ELP4: variants seen among roughly 807,000 people sequenced by gnomAD.
ELP4 encodes elongator acetyltransferase complex subunit 4.
Under a neutral mutation model 48.9 loss-of-function variants are expected in ELP4, and 51 were observed. The observed-to-expected ratio is 1.04, with a 90% confidence interval of 0.83 to 1.32. The LOEUF is 1.32. Ranked by LOEUF, ELP4 falls within the 40% of genes most tolerant of loss-of-function variation. ELP4 has a pLI of 0.00. For synonymous variants in ELP4, 210 were observed against 189.2 expected (o/e 1.11, Z -0.90); for missense variants, 519 against 514.6 (o/e 1.01, Z -0.08).
chr11:31,524,324 T>A (rs1354145238), intron 2 of ELP4, among the ~76,000 whole-genome samples: 1 of 152,214 alleles, frequency 6.6e-6, no homozygotes, highest in Non-Finnish European at 1.5e-5. Flanking sequence ...ACTATCTGCT[T>A]TCAAGCTCGT....
At chr11:31,543,413 G>A (rs536311494) in intron 3 of ELP4, among the ~76,000 whole-genome samples, 230 of 152,112 alleles carry the variant, frequency 1.5e-3, no homozygotes, top group African/African-American at 4.8e-3. Context: ...TCCGCCTCCC[G>A]GGTTCATGCC....
intron 9 of ELP4, among the ~76,000 whole-genome samples, chr11:31,756,137 C>T (rs1947828078): frequency 6.6e-6 from 1 of 152,214 alleles, no homozygotes; most frequent in Non-Finnish European, 1.5e-5. Flanking sequence ...AGCTCATCTT[C>T]ACTTGCCTGG....
At chr11:31,564,497 T>C (rs1029162049) in intron 3 of ELP4, among the ~76,000 whole-genome samples, 1 of 152,126 alleles carries the variant, frequency 6.6e-6, no homozygotes, top group Non-Finnish European at 1.5e-5. Flanking sequence ...ATCATTTACA[T>C]TAGGTATATC....
chr11:31,702,946 C>A (rs1001684116), intron 9 of ELP4, among the ~76,000 whole-genome samples: 1 of 152,092 alleles, frequency 6.6e-6, no homozygotes, highest in African/African-American at 2.4e-5. Flanking sequence ...GCACTTAGAA[C>A]AGTTAAATTC....
At chr11:31,591,931 TACTGAA>T (rs1210495088) in intron 3 of ELP4, among the ~76,000 whole-genome samples, 1 of 152,064 alleles carries the variant, frequency 6.6e-6, no homozygotes, top group African/African-American at 2.4e-5. Context: ...AAGAATGAAA[TACTGAA>T]ACATGGTGCA....
intron 7 of ELP4, among the ~76,000 whole-genome samples, chr11:31,635,628 G>T (rs950727487): frequency 1.3e-5 from 2 of 151,928 alleles, no homozygotes; most frequent in African/African-American, 4.8e-5. Context: ...AATTTTTTCA[G>T]CCTCAGCTTC....
At chr11:31,527,001 A>G (rs1956305609) in intron 2 of ELP4, among the ~76,000 whole-genome samples, 1 of 151,958 alleles carries the variant, frequency 6.6e-6, no homozygotes, top group Non-Finnish European at 1.5e-5. Context: ...GTCATTCATC[A>G]ATCTACCTCA....
intron 3 of ELP4, among the ~76,000 whole-genome samples, chr11:31,547,035 A>G (rs1474440202): frequency 6.6e-6 from 1 of 152,214 alleles, no homozygotes. Flanking sequence ...AGAAAGCAGG[A>G]AAGATCCAAA....
intron 2 of ELP4, among the ~76,000 whole-genome samples, chr11:31,537,177 G>C (rs1956514724): frequency 6.6e-6 from 1 of 152,112 alleles, no homozygotes; most frequent in African/African-American, 2.4e-5. Flanking sequence ...GGAGGTTTTT[G>C]CTGTTTTTTG....
intron 3 of ELP4, among the ~76,000 whole-genome samples, chr11:31,587,552 A>G (rs758952606): frequency 6.6e-6 from 1 of 152,210 alleles, no homozygotes; most frequent in Non-Finnish European, 1.5e-5. Context: ...GAACATGTTG[A>G]GAAATAATCT....
chr11:31,512,263 G>C (rs916695341), intron 1 of ELP4: 1 of 152,074 alleles, frequency 6.6e-6, no homozygotes, highest in Non-Finnish European at 1.5e-5. Context: ...TATATTATGT[G>C]GTTACTGTGT....
intron 9 of ELP4, among the ~76,000 whole-genome samples, chr11:31,749,674 G>A (rs1233454769): frequency 1.3e-5 from 2 of 151,988 alleles, no homozygotes; most frequent in Non-Finnish European, 2.9e-5. Flanking sequence ...GAAAGGAATT[G>A]TGGGAGAAAA....
At chr11:31,551,240 C>A (rs1288957722) in intron 3 of ELP4, among the ~76,000 whole-genome samples, 1 of 152,118 alleles carries the variant, frequency 6.6e-6, no homozygotes, top group Non-Finnish European at 1.5e-5. Flanking sequence ...AGGGCATGAA[C>A]AAGATGAGGT....
At chr11:31,611,634 T>C (rs1957981507) in intron 5 of ELP4, among the ~76,000 whole-genome samples, 1 of 152,212 alleles carries the variant, frequency 6.6e-6, no homozygotes, top group Admixed American at 6.5e-5. Context: ...TAATATTTAT[T>C]GAAAGCTTTT....
intron 9 of ELP4, among the ~76,000 whole-genome samples, chr11:31,695,471 C>T (rs1010964084): frequency 7.9e-5 from 12 of 151,632 alleles, no homozygotes; most frequent in Admixed American, 4.6e-4. Context: ...TATTGATTCG[C>T]GTATGTTGAA....
intron 7 of ELP4, among the ~76,000 whole-genome samples, chr11:31,638,305 A>G (rs1315638547): frequency 6.6e-6 from 1 of 151,882 alleles, no homozygotes; most frequent in African/African-American, 2.4e-5. Flanking sequence ...TGTCTAGAGA[A>G]CAGTAGTTGG....
chr11:31,782,474 G>A (rs1197418177), intron 9 of ELP4, among the ~76,000 whole-genome samples: 1 of 152,226 alleles, frequency 6.6e-6, no homozygotes, highest in Non-Finnish European at 1.5e-5. Context: ...TCACACAACA[G>A]ATAAGTTCCT....
At chr11:31,772,154 C>G (rs1259842648) in intron 9 of ELP4, among the ~76,000 whole-genome samples, 2 of 134,734 alleles carry the variant, frequency 1.5e-5, no homozygotes, top group Non-Finnish European at 3.1e-5. Context: ...AAGTCTTGCT[C>G]TGTCACCCAG....
chr11:31,783,369 T>C (rs1565153028), intron 9 of ELP4, 24 bp from the exon 10 acceptor site: 1 of 1,589,034 alleles, frequency 6.3e-7, no homozygotes, highest in South Asian at 1.1e-5. Context: ...TCTTTTTTTC[T>C]TCTCCTGAAA....
Sources: gnomAD v4.1 joint callset for allele counts (sites outside exome capture counted in the v4.1 genomes callset) on GRCh38, gnomAD v4.1.1 for gene constraint, MANE v1.5 for transcripts, NCBI Gene and HGNC (gene_info 2026-07-23, HGNC 2026-07-21) for gene names.